CRPPA: variants seen among roughly 807,000 people sequenced by gnomAD.
CRPPA encodes D-ribitol-5-phosphate cytidylyltransferase.
A neutral mutation model predicts 52.0 loss-of-function variants in CRPPA; 43 were observed. The ratio of observed to expected loss-of-function variants is 0.83; its 90% CI spans 0.65 to 1.07. CRPPA has a LOEUF of 1.07. CRPPA is among the 50% of genes least tolerant of loss of function. The pLI, the probability that CRPPA is intolerant of heterozygous loss-of-function variation, is 0.00. For synonymous variants in CRPPA, 250 were observed against 203.5 expected (o/e 1.23, Z -1.94); for missense variants, 629 against 551.7 (o/e 1.14, Z -1.40).
At chr7:16,118,734 G>T (rs964786114) in intron 9 of CRPPA, among the ~76,000 whole-genome samples, 4 of 152,186 alleles carry the variant, frequency 2.6e-5, no homozygotes, top group African/African-American at 7.2e-5. Context: ...CCAAGGCATT[G>T]CTTTCTACCA....
rs74455662 is a variant in CRPPA at position 16,310,529 on chromosome 7, A to G, written c.685-1902T>C. 3.5e-3 allele frequency among the ~76,000 whole-genome samples: 530 copies of G among 152,326 alleles called. 1 individual carries two copies. The highest frequency in any genetic ancestry group is 0.011 in the African/African-American group (475 of 41,582). On this transcript the variant is annotated intron_variant, in intron 3 of 9. Coordinates refer to ENST00000407010, the MANE Select transcript of CRPPA (RefSeq NM_001101426.4). Reference sequence around the variant, plus strand: ...TCGAAACTGCAATTTTTTAAAAACTATTAATAGATCTAGGAAGATAAAGAA... The same window carrying G: ...TCGAAACTGCAATTTTTTAAAAACTGTTAATAGATCTAGGAAGATAAAGAA...
rs144395811 is a variant in CRPPA, at chr7:16,213,343, C to T, written c.1251+2723G>A. 9.1e-4 allele frequency among the ~76,000 whole-genome samples: 138 copies of T among 152,218 alleles called. 1 individual carries two copies. Among genetic ancestry groups the T allele is most frequent in the African/African-American group, 3.1e-3 (130 of 41,534 alleles). On this transcript the variant is annotated intron_variant, in intron 9 of 9. Coordinates refer to ENST00000407010, the MANE Select transcript of CRPPA (RefSeq NM_001101426.4). Reference sequence around the variant, plus strand: ...TATTTAAGATTATACTTTAAAGGGACTTAGTCTAATTTAATTTTGTTACCA... The same window carrying T: ...TATTTAAGATTATACTTTAAAGGGATTTAGTCTAATTTAATTTTGTTACCA...
chr7:16,096,667 A>C (rs1781940680), intron 9 of CRPPA, among the ~76,000 whole-genome samples: 1 of 152,074 alleles, frequency 6.6e-6, no homozygotes, highest in African/African-American at 2.4e-5. Context: ...GGTTGATCTC[A>C]AACTCCTAGG....
chr7:16,414,589 C>G (rs117672937), intron 1 of CRPPA, among the ~76,000 whole-genome samples: 1 of 152,298 alleles, frequency 6.6e-6, no homozygotes, highest in Non-Finnish European at 1.5e-5. Context: ...ACACCATTGT[C>G]ATCTGATTTC....
At chr7:16,198,323 C>T (rs1489124048) in intron 9 of CRPPA, among the ~76,000 whole-genome samples, 2 of 41,372 alleles carry the variant, frequency 4.8e-5, no homozygotes, top group Non-Finnish European at 8.7e-5. Context: ...GTGGGACCTG[C>T]GGGCAGCAAT....
At chr7:16,126,070 G>A (rs1782574453) in intron 9 of CRPPA, among the ~76,000 whole-genome samples, 2 of 152,088 alleles carry the variant, frequency 1.3e-5, no homozygotes, top group Admixed American at 6.6e-5. Flanking sequence ...GCACAAGGTA[G>A]GGCTCTATAA....
chr7:16,420,352 T>A (rs1454211248), intron 1 of CRPPA, among the ~76,000 whole-genome samples: 4 of 152,156 alleles, frequency 2.6e-5, no homozygotes, highest in African/African-American at 9.6e-5. Flanking sequence ...CATTACTCAG[T>A]GCTAAAAGCA....
At chr7:16,318,961 T>C (rs1424618639) in intron 3 of CRPPA, among the ~76,000 whole-genome samples, 1 of 152,156 alleles carries the variant, frequency 6.6e-6, no homozygotes, top group Admixed American at 6.5e-5. Flanking sequence ...CTCTCGACTT[T>C]TCCATCTTGG....
chr7:16,208,685 A>T (rs544803243), intron 9 of CRPPA, among the ~76,000 whole-genome samples: 104 of 152,292 alleles, frequency 6.8e-4, no homozygotes, highest in African/African-American at 2.2e-3. Flanking sequence ...CATCTTAAAA[A>T]TTTGGTAGAA....
At chr7:16,118,758 G>C (rs920746134) in intron 9 of CRPPA, among the ~76,000 whole-genome samples, 1 of 152,210 alleles carries the variant, frequency 6.6e-6, no homozygotes, top group Admixed American at 6.5e-5. Flanking sequence ...CAGCTCTGAA[G>C]AAGTTGGCTA....
rs1322848805 is a variant in CRPPA at position 16,308,628 on chromosome 7, CT to C, written c.685-2del. 2 of 1,558,586 alleles carry C rather than the reference CT, an allele frequency of 1.3e-6. No individual in the cohort carries two copies. The highest frequency in any genetic ancestry group is 1.8e-6 in the Non-Finnish European group (2 of 1,132,802). On this transcript the variant is annotated splice_acceptor_variant, in intron 3 of 9. Coordinates refer to ENST00000407010, the MANE Select transcript of CRPPA (RefSeq NM_001101426.4). LOFTEE classifies it high-confidence loss of function. ...CAAATTCCAAGTCATAGTCACTACA[CT>C]GGTGTGGAAACAACAACAACAACAA...
At chr7:16,221,243 T>C (rs1017365004) in intron 8 of CRPPA, among the ~76,000 whole-genome samples, 7 of 152,208 alleles carry the variant, frequency 4.6e-5, no homozygotes, top group African/African-American at 1.2e-4. Context: ...GCTAGCCATA[T>C]GTAGAAAGCT....
chr7:16,143,093 C>G (rs996427843), intron 9 of CRPPA, among the ~76,000 whole-genome samples: 1 of 152,170 alleles, frequency 6.6e-6, no homozygotes, highest in African/African-American at 2.4e-5. Flanking sequence ...GTACTGAGAA[C>G]AGTTCCTGGC....
At chr7:16,258,267 AAAC>A (rs1270238907) in intron 8 of CRPPA, 120 bp downstream of exon 8, 13 of 540,786 alleles carry the variant, frequency 2.4e-5, no homozygotes, top group African/African-American at 3.9e-5. Flanking sequence ...AGGAATCCAC[AAAC>A]AAGAGTTTCT....
intron 9 of CRPPA, among the ~76,000 whole-genome samples, chr7:16,138,108 T>C (rs1384253651): frequency 2.0e-5 from 3 of 152,196 alleles, no homozygotes; most frequent in Non-Finnish European, 4.4e-5. Flanking sequence ...TCATAAACTA[T>C]GTCAACAATT....
At chr7:16,186,280 G>T (rs1781503289) in intron 9 of CRPPA, among the ~76,000 whole-genome samples, 3 of 152,146 alleles carry the variant, frequency 2.0e-5, no homozygotes, top group Non-Finnish European at 4.4e-5. Context: ...TCTTTTGGAA[G>T]GTAATTAGGT....
At chr7:16,185,168 G>A (rs1490557721) in intron 9 of CRPPA, among the ~76,000 whole-genome samples, 2 of 152,182 alleles carry the variant, frequency 1.3e-5, no homozygotes, top group South Asian at 4.1e-4. Flanking sequence ...TGGCTAGGGA[G>A]GACTCACAAT....
At chr7:16,264,711 G>A (rs1365300354) in intron 6 of CRPPA, among the ~76,000 whole-genome samples, 4 of 152,208 alleles carry the variant, frequency 2.6e-5, no homozygotes, top group Non-Finnish European at 5.9e-5. Context: ...AATGGCACAA[G>A]TGACTTGTAG....
intron 3 of CRPPA, among the ~76,000 whole-genome samples, chr7:16,342,657 G>A (rs529910977): frequency 6.7e-6 from 1 of 149,612 alleles, no homozygotes; most frequent in Non-Finnish European, 1.5e-5. Context: ...GATCACACCA[G>A]TAATGCCAGC....
Sources: allele counts gnomAD v4.1 joint callset (sites outside exome capture counted in the v4.1 genomes callset), GRCh38; gene constraint gnomAD v4.1.1; transcripts MANE v1.5; gene names NCBI Gene and HGNC (gene_info 2026-07-23, HGNC 2026-07-21).